The following DLG2 variants were observed in gnomAD, a reference collection of about 807,000 sequenced individuals.
The protein encoded by DLG2 is disks large homolog 2.
DLG2 carries 45 observed loss-of-function variants against 132.5 expected under a neutral mutation model. That is an observed-to-expected ratio of 0.34 (90% CI 0.27 to 0.44). The LOEUF (loss-of-function observed/expected upper bound fraction) is 0.44, where lower values mean the gene tolerates loss of function less well. Among genes scored for constraint, DLG2 ranks in the 20% least tolerant of loss-of-function variants. The pLI is 1.00. For missense variants in DLG2, 1,045 were observed against 1,196.9 expected (o/e 0.87, Z 1.87); for synonymous variants, 424 against 419.6 (o/e 1.01, Z -0.13).
intron 6 of DLG2, among the ~76,000 whole-genome samples, chr11:84,984,930 A>T (rs1259483917): frequency 6.6e-6 from 1 of 152,190 alleles, no homozygotes; most frequent in Admixed American, 6.5e-5. Context: ...TCCAACAGGA[A>T]AATATCACAC....
chr11:84,135,745 A>C (rs768108187), intron 9 of DLG2, among the ~76,000 whole-genome samples: 4 of 152,128 alleles, frequency 2.6e-5, no homozygotes, highest in Non-Finnish European at 5.9e-5. Flanking sequence ...TCGAACATGT[A>C]AGGCTTGGTT....
intron 3 of DLG2, among the ~76,000 whole-genome samples, chr11:85,473,488 A>T (rs2093049018): frequency 6.6e-6 from 1 of 152,234 alleles, no homozygotes; most frequent in Non-Finnish European, 1.5e-5. Context: ...TTTTTAAAAA[A>T]TTTAATGAAG....
chr11:83,899,596 A>T (rs1406834472), intron 15 of DLG2, among the ~76,000 whole-genome samples: 1 of 152,118 alleles, frequency 6.6e-6, no homozygotes, highest in Non-Finnish European at 1.5e-5. Context: ...TGGTATCAAA[A>T]ATGGGAGTTT....
intron 18 of DLG2, among the ~76,000 whole-genome samples, chr11:83,775,229 T>G (rs1367518612): frequency 6.6e-6 from 1 of 152,312 alleles, no homozygotes; most frequent in Non-Finnish European, 1.5e-5. Flanking sequence ...GGCATCTTTT[T>G]CTTTTGGTTT....
chr11:83,810,419 A>T lies in DLG2; in HGVS notation c.1722+23195T>A, dbSNP rs991174219. Among the ~76,000 whole-genome samples, 3 of 152,118 alleles carry T rather than the reference A, an allele frequency of 2.0e-5. No homozygotes were observed. The East Asian group carries it at 5.8e-4, about 29-fold the overall frequency. ...ATATAAATAATTTTGGTAATTATTG[A>T]TGAGTAGATAATACCTTAGCACATT... is the stretch of plus-strand genomic sequence containing the variant. On this transcript the variant is annotated intron_variant, in intron 17 of 27. Transcript: ENST00000376104.
chr11:84,673,691 T>C (rs888855785), intron 6 of DLG2, among the ~76,000 whole-genome samples: 4 of 151,790 alleles, frequency 2.6e-5, no homozygotes, highest in African/African-American at 9.7e-5. Flanking sequence ...CATGGAAGAA[T>C]TAGAAGAAAA....
intron 7 of DLG2, among the ~76,000 whole-genome samples, chr11:84,375,712 C>T (rs1322552358): frequency 6.6e-6 from 1 of 151,682 alleles, no homozygotes; most frequent in African/African-American, 2.4e-5. Flanking sequence ...TATTTTAATA[C>T]TGATTGTTAT....
intron 8 of DLG2, among the ~76,000 whole-genome samples, chr11:84,221,185 G>A (rs2096910948): frequency 6.6e-6 from 1 of 151,856 alleles, no homozygotes; most frequent in Non-Finnish European, 1.5e-5. Context: ...AAAATTTAAT[G>A]TTAGGCTGGG....
intron 8 of DLG2, among the ~76,000 whole-genome samples, chr11:84,249,186 ACTT>A (rs2097341026): frequency 6.6e-6 from 1 of 152,208 alleles, no homozygotes; most frequent in African/African-American, 2.4e-5. Context: ...CTCCAGGCCT[ACTT>A]CTTGAGAGCA....
intron 7 of DLG2, among the ~76,000 whole-genome samples, chr11:84,465,505 C>T (rs1026535445): frequency 6.6e-6 from 1 of 151,042 alleles, no homozygotes; most frequent in Non-Finnish European, 1.5e-5. Flanking sequence ...AGAGACTTTC[C>T]CCATCCTCAA....
chr11:85,558,004 A>AGAC (rs2077029349), intron 3 of DLG2, among the ~76,000 whole-genome samples: 1 of 151,962 alleles, frequency 6.6e-6, no homozygotes, highest in Admixed American at 6.6e-5. Context: ...AAGACACTAC[A>AGAC]ACAGAGTAAA....
chr11:83,955,390 T>C (rs1291179089), intron 14 of DLG2, among the ~76,000 whole-genome samples: 1 of 152,142 alleles, frequency 6.6e-6, no homozygotes, highest in Non-Finnish European at 1.5e-5. Flanking sequence ...CTAGCTGTTT[T>C]CCACCATACT....
chr11:84,448,926 A>T (rs997536334), intron 7 of DLG2, among the ~76,000 whole-genome samples: 1 of 152,004 alleles, frequency 6.6e-6, no homozygotes, highest in Non-Finnish European at 1.5e-5. Flanking sequence ...TGAATGAAGC[A>T]TATCACTTGA....
intron 7 of DLG2, among the ~76,000 whole-genome samples, chr11:84,346,103 T>C (rs1244600268): frequency 1.3e-5 from 2 of 152,154 alleles, no homozygotes; most frequent in Admixed American, 6.5e-5. Flanking sequence ...TATTATTTCA[T>C]AGCTGTGAAA....
chr11:83,549,438 A>G (rs1331615521), intron 19 of DLG2, among the ~76,000 whole-genome samples: 1 of 152,164 alleles, frequency 6.6e-6, no homozygotes, highest in Non-Finnish European at 1.5e-5. Flanking sequence ...CAGAGATTCA[A>G]TGAGATGATA....
intron 6 of DLG2, among the ~76,000 whole-genome samples, chr11:84,536,207 A>C (rs1167138477): frequency 6.6e-6 from 1 of 152,170 alleles, no homozygotes; most frequent in Non-Finnish European, 1.5e-5. Context: ...TTCCATTGCA[A>C]TCATTCTTGG....
At chr11:83,521,944 A>C (rs2095490524) in intron 21 of DLG2, among the ~76,000 whole-genome samples, 1 of 152,046 alleles carries the variant, frequency 6.6e-6, no homozygotes, top group South Asian at 2.1e-4. Flanking sequence ...TCCTCCATCC[A>C]ATAACCTTGA....
intron 18 of DLG2, among the ~76,000 whole-genome samples, chr11:83,754,228 A>C (rs1454096900): frequency 6.6e-6 from 1 of 151,096 alleles, no homozygotes; most frequent in African/African-American, 2.5e-5. Context: ...AAAACTGTTA[A>C]AATCAATTGT....
chr11:85,161,756 G>A (rs1427597657), intron 4 of DLG2, among the ~76,000 whole-genome samples: 1 of 152,170 alleles, frequency 6.6e-6, no homozygotes, highest in Non-Finnish European at 1.5e-5. Context: ...ACAGAACGGT[G>A]GAATATCCTT....
Sources: allele counts gnomAD v4.1 joint callset (sites outside exome capture counted in the v4.1 genomes callset), GRCh38; gene constraint gnomAD v4.1.1; transcripts MANE v1.5; gene names NCBI Gene and HGNC (gene_info 2026-07-23, HGNC 2026-07-21).